Variants in FOXP1 observed in about 807,000 individuals in gnomAD.
The protein encoded by FOXP1 is forkhead box protein P1.
A neutral mutation model predicts 98.2 loss-of-function variants in FOXP1; 15 were observed. That is an observed-to-expected ratio of 0.15 (90% CI 0.10 to 0.24). The LOEUF is 0.24. Ranked by LOEUF, FOXP1 falls within the 10% of genes least tolerant of loss-of-function variation. The pLI, the probability that FOXP1 is intolerant of heterozygous loss-of-function variation, is 1.00. For missense variants in FOXP1, 633 were observed against 848.5 expected, an observed-to-expected ratio of 0.75 and a Z score of 3.15; for synonymous variants, 371 against 314.5, an observed-to-expected ratio of 1.18 and a Z score of -1.90.
intron 2 of FOXP1, among the ~76,000 whole-genome samples, chr3:71,556,525 C>T (rs1010765452): frequency 3.0e-5 from 4 of 133,664 alleles, no homozygotes; most frequent in Non-Finnish European, 6.1e-5. Flanking sequence ...TGCAGTGAGC[C>T]GAGATTGTGC....
intron 7 of FOXP1, chr3:71,065,821 A>G (rs2052414376): frequency 6.6e-6 from 1 of 152,214 alleles, no homozygotes; most frequent in Non-Finnish European, 1.5e-5. Context: ...CAGGCTATTG[A>G]AAGCTGAGTA....
chr3:71,221,228 G>C (rs748946227), intron 5 of FOXP1, among the ~76,000 whole-genome samples: 2 of 152,174 alleles, frequency 1.3e-5, no homozygotes, highest in Non-Finnish European at 2.9e-5. Flanking sequence ...AGGGATCTAG[G>C]TTGCTTGCTC....
intron 10 of FOXP1, among the ~76,000 whole-genome samples, chr3:71,042,859 C>A (rs1306415960): frequency 6.6e-6 from 1 of 152,188 alleles, no homozygotes; most frequent in African/African-American, 2.4e-5. Context: ...TCAACGTGAT[C>A]AGCCAAACAT....
chr3:71,515,973 T>C (rs763493259), intron 2 of FOXP1, among the ~76,000 whole-genome samples: 5 of 152,208 alleles, frequency 3.3e-5, no homozygotes, highest in African/African-American at 1.2e-4. Flanking sequence ...CATCTGAGAT[T>C]CCGTAACACA....
At chr3:71,223,458 G>T (rs547037889) in intron 5 of FOXP1, among the ~76,000 whole-genome samples, 1 of 152,218 alleles carries the variant, frequency 6.6e-6, no homozygotes, top group African/African-American at 2.4e-5. Flanking sequence ...CACTTTGGGA[G>T]GCTAAGGTGG....
At chr3:71,363,942 A>G (rs1385741466) in intron 3 of FOXP1, among the ~76,000 whole-genome samples, 4 of 152,116 alleles carry the variant, frequency 2.6e-5, no homozygotes, top group African/African-American at 4.8e-5. Context: ...GTTCCTGGAG[A>G]TAGTGGAGTC....
At chr3:71,095,130 A>T (rs2056329488) in intron 7 of FOXP1, among the ~76,000 whole-genome samples, 1 of 152,242 alleles carries the variant, frequency 6.6e-6, no homozygotes. Context: ...TTTCAAATTC[A>T]TCTGTGTACA....
intron 11 of FOXP1, among the ~76,000 whole-genome samples, chr3:71,021,601 G>A (rs1434794006): frequency 6.6e-6 from 1 of 152,104 alleles, no homozygotes; most frequent in Non-Finnish European, 1.5e-5. Context: ...GTTGACATTT[G>A]GAGGAACTTT....
At chr3:71,582,612 G>A in intron 1 of FOXP1, 5 of 985,440 alleles carry the variant, frequency 5.1e-6, no homozygotes, top group Non-Finnish European at 4.8e-6. Flanking sequence ...AGCTTCAGAG[G>A]GGGGTAAAAT....
intron 20 of FOXP1, among the ~76,000 whole-genome samples, chr3:70,959,718 T>C (rs941692846): frequency 4.6e-5 from 7 of 152,176 alleles, no homozygotes; most frequent in Admixed American, 6.5e-5. Context: ...ATCACTAGTC[T>C]CTGGACTGGT....
At chr3:71,182,254 A>G (rs1332466740) in intron 6 of FOXP1, among the ~76,000 whole-genome samples, 3 of 152,178 alleles carry the variant, frequency 2.0e-5, no homozygotes, top group African/African-American at 7.2e-5. Context: ...GGAAAACTTA[A>G]AGACATTATG....
intron 13 of FOXP1, among the ~76,000 whole-genome samples, chr3:70,992,245 A>G (rs1308254086): frequency 6.6e-6 from 1 of 152,212 alleles, no homozygotes; most frequent in African/African-American, 2.4e-5. Flanking sequence ...ACGGACTGAG[A>G]AGGCCTTAAA....
At chr3:71,261,511 T>G (rs2069134918) in intron 5 of FOXP1, among the ~76,000 whole-genome samples, 1 of 152,220 alleles carries the variant, frequency 6.6e-6, no homozygotes, top group South Asian at 2.1e-4. Flanking sequence ...CTACATTTGC[T>G]AAGATCTGAT....
intron 5 of FOXP1, among the ~76,000 whole-genome samples, chr3:71,215,632 GAACT>G (rs1163282044): frequency 1.3e-5 from 2 of 151,178 alleles, no homozygotes; most frequent in African/African-American, 4.9e-5. Flanking sequence ...AAATGAACGT[GAACT>G]AACACTGAAT....
chr3:71,325,352 C>T (rs2075630183), intron 4 of FOXP1, among the ~76,000 whole-genome samples: 2 of 152,272 alleles, frequency 1.3e-5, no homozygotes, highest in South Asian at 2.1e-4. Flanking sequence ...TGTGCCCAGC[C>T]AATCCCTTGA....
At chr3:71,333,953 T>G (rs1347151813) in intron 4 of FOXP1, 1 of 147,182 alleles carries the variant, frequency 6.8e-6, no homozygotes, top group Non-Finnish European at 1.5e-5. Flanking sequence ...GAAAATACAC[T>G]AGAGGGACAG....
At chr3:71,182,054 A>AACG (rs1560076281) in intron 6 of FOXP1, among the ~76,000 whole-genome samples, 1 of 142,466 alleles carries the variant, frequency 7.0e-6, no homozygotes, top group Non-Finnish European at 1.5e-5. Flanking sequence ...AAAAAAAAGA[A>AACG]AAAAAAAGAA....
intron 14 of FOXP1, 65 bp downstream of exon 14, chr3:70,987,929 T>C: frequency 6.9e-7 from 1 of 1,456,424 alleles, no homozygotes; most frequent in Non-Finnish European, 9.6e-7. Context: ...CCATTTGGGG[T>C]GGGGAAGTAG....
intron 5 of FOXP1, among the ~76,000 whole-genome samples, chr3:71,278,821 C>G (rs2071196597): frequency 6.6e-6 from 1 of 151,724 alleles, no homozygotes; most frequent in South Asian, 2.1e-4. Flanking sequence ...AGTAAAATAC[C>G]AATTAAATAA....
Sources: allele counts gnomAD v4.1 joint callset (sites outside exome capture counted in the v4.1 genomes callset), GRCh38; gene constraint gnomAD v4.1.1; transcripts MANE v1.5; gene names NCBI Gene and HGNC (gene_info 2026-07-23, HGNC 2026-07-21).